Variants in KCNQ3 observed in about 807,000 individuals in gnomAD.
KCNQ3 encodes potassium voltage-gated channel subfamily Q member 3, also known as potassium voltage-gated channel subfamily KQT member 3.
Under a neutral mutation model 92.5 loss-of-function variants are expected in KCNQ3, and 30 were observed. The observed-to-expected ratio is 0.32, with a 90% confidence interval of 0.24 to 0.44. The LOEUF is 0.44. KCNQ3 is among the 20% of genes least tolerant of loss of function. The pLI is 1.00. For synonymous variants in KCNQ3, 450 were observed against 468.8 expected (o/e 0.96, Z 0.52); for missense variants, 913 against 1,140.3 (o/e 0.80, Z 2.87).
At chr8:132,130,824 A>T (rs540812493) in intron 14 of KCNQ3, among the ~76,000 whole-genome samples, 5 of 152,200 alleles carry the variant, frequency 3.3e-5, no homozygotes, top group African/African-American at 1.2e-4. Context: ...TTGGCACCTT[A>T]CTTGAACTTT....
intron 1 of KCNQ3, among the ~76,000 whole-genome samples, chr8:132,257,239 GTAGTT>G (rs1216851275): frequency 6.6e-6 from 1 of 152,024 alleles, no homozygotes; most frequent in African/African-American, 2.4e-5. Flanking sequence ...ACTTTAAAAA[GTAGTT>G]TAAAGAAAGG....
At chr8:132,151,287 G>T (rs532741426) in intron 9 of KCNQ3, among the ~76,000 whole-genome samples, 5 of 152,322 alleles carry the variant, frequency 3.3e-5, no homozygotes, top group East Asian at 1.9e-4. Context: ...ACATGTAATT[G>T]AGACTACTGG....
chr8:132,168,715 ATATGTG>A (rs1397996914), intron 8 of KCNQ3, among the ~76,000 whole-genome samples: 42 of 134,524 alleles, frequency 3.1e-4, no homozygotes, highest in African/African-American at 1.1e-3. Context: ...AGGATAATGA[ATATGTG>A]TGTGTGTGTG....
At chr8:132,140,443 G>A in intron 10 of KCNQ3, 1 of 438,562 alleles carries the variant, frequency 2.3e-6, no homozygotes, top group East Asian at 4.2e-5. Flanking sequence ...GGGAGGAGAA[G>A]TGAGCTCCGC....
intron 9 of KCNQ3, among the ~76,000 whole-genome samples, chr8:132,157,939 T>C (rs1825858852): frequency 6.6e-6 from 1 of 152,156 alleles, no homozygotes; most frequent in Non-Finnish European, 1.5e-5. Flanking sequence ...TCTGATAACC[T>C]GTGTTTTAAT....
chr8:132,189,977 A>C (rs769863060), intron 1 of KCNQ3, among the ~76,000 whole-genome samples: 2 of 150,640 alleles, frequency 1.3e-5, no homozygotes, highest in Non-Finnish European at 3.0e-5. Flanking sequence ...AAGATTGTTT[A>C]AAATCTTAAG....
At chr8:132,134,045 A>T (rs1563764544) in intron 13 of KCNQ3, among the ~76,000 whole-genome samples, 1 of 152,230 alleles carries the variant, frequency 6.6e-6, no homozygotes, top group Non-Finnish European at 1.5e-5. Context: ...AGGTGGGGCT[A>T]TTATCACTTT....
chr8:132,245,680 C>T (rs16904635), intron 1 of KCNQ3, among the ~76,000 whole-genome samples: 14,361 of 152,128 alleles, frequency 0.094, 737 homozygotes, highest in Admixed American at 0.15. Flanking sequence ...TCACACTCAA[C>T]GTATCATTTT....
intron 6 of KCNQ3, among the ~76,000 whole-genome samples, chr8:132,173,446 GT>G (rs1374060412): frequency 6.6e-6 from 1 of 152,144 alleles, no homozygotes; most frequent in African/African-American, 2.4e-5. Context: ...TTACTTAAAA[GT>G]TTTTTTCAAG....
chr8:132,346,422 G>T (rs1389801401), intron 1 of KCNQ3, among the ~76,000 whole-genome samples: 1 of 152,162 alleles, frequency 6.6e-6, no homozygotes, highest in Non-Finnish European at 1.5e-5. Context: ...GGCGGAGGCG[G>T]GAGCATTTCC....
intron 1 of KCNQ3, among the ~76,000 whole-genome samples, chr8:132,350,745 T>C (rs1818835252): frequency 6.6e-6 from 1 of 152,164 alleles, no homozygotes; most frequent in South Asian, 2.1e-4. Flanking sequence ...AGACAAACAC[T>C]ACCTGGTATT....
chr8:132,348,338 T>A (rs927827911), intron 1 of KCNQ3, among the ~76,000 whole-genome samples: 4 of 152,184 alleles, frequency 2.6e-5, no homozygotes, highest in Admixed American at 1.3e-4. Context: ...TTTGCTGGAC[T>A]TGGATAAGGG....
intron 1 of KCNQ3, among the ~76,000 whole-genome samples, chr8:132,202,874 T>C (rs1288919703): frequency 6.6e-6 from 1 of 152,228 alleles, no homozygotes; most frequent in Non-Finnish European, 1.5e-5. Context: ...TGCTTCCACA[T>C]TTTCAGGTAT....
At chr8:132,457,007 C>T (rs1298402629) in intron 1 of KCNQ3, among the ~76,000 whole-genome samples, 1 of 152,230 alleles carries the variant, frequency 6.6e-6, no homozygotes, top group African/African-American at 2.4e-5. Context: ...ATTTTTGCTT[C>T]AACCAACAGT....
At position 132,439,687 on chromosome 8, in the gene KCNQ3, G is replaced by A. The variant is rs969525261; in HGVS notation, c.386+40460C>T. On this transcript the variant is annotated intron_variant, in intron 1 of 14. Coordinates refer to ENST00000388996, the MANE Select transcript of KCNQ3 (RefSeq NM_004519.4). ...TGTGCTGCTGGCTTTCATGATGGTA[G>A]AAGGAGCCATGAGCTGAGGAATGCA... is the stretch of plus-strand genomic sequence containing the variant. 2.0e-4 allele frequency among the ~76,000 whole-genome samples: 30 copies of A among 152,112 alleles called. 1 individual carries two copies. Among genetic ancestry groups the A allele is most frequent in the Admixed American group, 1.9e-3 (29 of 15,270 alleles).
chr8:132,405,938 T>C (rs1820465401), intron 1 of KCNQ3, among the ~76,000 whole-genome samples: 1 of 152,190 alleles, frequency 6.6e-6, no homozygotes, highest in Non-Finnish European at 1.5e-5. Flanking sequence ...AGCCTCCAGG[T>C]CTTAGGCAAC....
At chr8:132,393,785 C>T (rs1005485102) in intron 1 of KCNQ3, among the ~76,000 whole-genome samples, 1 of 152,134 alleles carries the variant, frequency 6.6e-6, no homozygotes, top group Non-Finnish European at 1.5e-5. Context: ...TGGGCTATCA[C>T]CATGAGAGAG....
chr8:132,390,273 G>A (rs1350726973), intron 1 of KCNQ3, among the ~76,000 whole-genome samples: 1 of 152,210 alleles, frequency 6.6e-6, no homozygotes, highest in Admixed American at 6.5e-5. Context: ...AGGTAGGAAA[G>A]TGATGAGCAT....
chr8:132,215,067 C>T (rs1813981946), intron 1 of KCNQ3, among the ~76,000 whole-genome samples: 2 of 152,200 alleles, frequency 1.3e-5, no homozygotes, highest in African/African-American at 2.4e-5. Flanking sequence ...GTGCACCTGT[C>T]GTTCCCCCTG....
Sources: allele counts gnomAD v4.1 joint callset (sites outside exome capture counted in the v4.1 genomes callset), GRCh38; gene constraint gnomAD v4.1.1; transcripts MANE v1.5; gene names NCBI Gene and HGNC (gene_info 2026-07-23, HGNC 2026-07-21).